ACOT12: variants seen among roughly 807,000 people sequenced by gnomAD.
The protein encoded by ACOT12 is acyl-CoA thioesterase 12, also known as acetyl-coenzyme A thioesterase.
Under a neutral mutation model 67.7 loss-of-function variants are expected in ACOT12, and 51 were observed. The ratio of observed to expected loss-of-function variants is 0.75; its 90% CI spans 0.60 to 0.95. The LOEUF is 0.95. Ranked by LOEUF, ACOT12 falls within the 40% of genes least tolerant of loss-of-function variation. The pLI is 0.00. For missense variants in ACOT12, 734 were observed against 708.1 expected (o/e 1.04, Z -0.41); for synonymous variants, 251 against 244.6 (o/e 1.03, Z -0.24).
At chr5:81,354,930 G>A (rs1759664336) in intron 5 of ACOT12, among the ~76,000 whole-genome samples, 1 of 152,024 alleles carries the variant, frequency 6.6e-6, no homozygotes, top group Non-Finnish European at 1.5e-5. Flanking sequence ...GATCTCAAGT[G>A]ATCCGCCTGC....
chr5:81,338,893 A>C (rs77321652), intron 11 of ACOT12, among the ~76,000 whole-genome samples: 4,338 of 152,196 alleles, frequency 0.029, 86 homozygotes, highest in African/African-American at 0.058. Flanking sequence ...ACCAACCTGG[A>C]AACATGGTGA....
At chr5:81,364,928 TA>T (rs1476363621) in intron 3 of ACOT12, among the ~76,000 whole-genome samples, 1 of 152,174 alleles carries the variant, frequency 6.6e-6, no homozygotes, top group Non-Finnish European at 1.5e-5. Flanking sequence ...CAGAGTTTCA[TA>T]ACCAAGCTAA....
At chr5:81,330,735 T>G (rs1758790459) in intron 14 of ACOT12, 79 bp downstream of exon 14, 1 of 1,565,772 alleles carries the variant, frequency 6.4e-7, no homozygotes, top group African/African-American at 1.4e-5. Flanking sequence ...TTACAATTAA[T>G]TAGGACATCT....
At chr5:81,389,647 C>T (rs1760813023) in intron 1 of ACOT12, among the ~76,000 whole-genome samples, 1 of 152,144 alleles carries the variant, frequency 6.6e-6, no homozygotes. Context: ...CCTGCTCAGC[C>T]TCCTGAGTAG....
At chr5:81,382,363 G>T (rs949215864) in intron 2 of ACOT12, among the ~76,000 whole-genome samples, 5 of 152,140 alleles carry the variant, frequency 3.3e-5, no homozygotes, top group African/African-American at 1.2e-4. Context: ...AAATGTAAAA[G>T]ATGAGACTGA....
chr5:81,332,057 C>A (rs1758844754), intron 13 of ACOT12, among the ~76,000 whole-genome samples: 1 of 152,198 alleles, frequency 6.6e-6, no homozygotes, highest in African/African-American at 2.4e-5. Context: ...GTTCAATGTA[C>A]ATGGAAAAAC....
At chr5:81,378,551 C>G (rs1483549304) in intron 2 of ACOT12, among the ~76,000 whole-genome samples, 1 of 152,122 alleles carries the variant, frequency 6.6e-6, no homozygotes, top group African/African-American at 2.4e-5. Flanking sequence ...GAACAGGCAA[C>G]CTACAGAATG....
intron 5 of ACOT12, among the ~76,000 whole-genome samples, chr5:81,351,890 G>T (rs1415626487): frequency 2.0e-5 from 3 of 152,022 alleles, no homozygotes; most frequent in African/African-American, 7.2e-5. Context: ...TATATAAGGA[G>T]CTTAAACAGC....
chr5:81,312,744 C>T, the ACOT12 span: 2 of 1,027,108 alleles, frequency 1.9e-6, no homozygotes, highest in Non-Finnish European at 3.0e-6. Context: ...GTTGAGCTCC[C>T]CTGTAGCCAG....
chr5:81,379,246 C>T (rs958858169), intron 2 of ACOT12, among the ~76,000 whole-genome samples: 5 of 150,006 alleles, frequency 3.3e-5, no homozygotes, highest in Non-Finnish European at 5.9e-5. Context: ...AACCAAACAC[C>T]GCATGTTCTC....
chr5:81,324,143 G>A, the ACOT12 span, among the ~76,000 whole-genome samples: 3 of 152,004 alleles, frequency 2.0e-5, no homozygotes, highest in African/African-American at 7.3e-5. Flanking sequence ...GTTTCACCAT[G>A]TTGGCCAGGA....
intron 1 of ACOT12, among the ~76,000 whole-genome samples, chr5:81,389,981 G>T (rs1369962081): frequency 2.7e-5 from 4 of 145,984 alleles, no homozygotes; most frequent in Non-Finnish European, 4.5e-5. Flanking sequence ...TTGAGACAGG[G>T]TCTTGCTCTG....
chr5:81,338,848 G>A (rs868552271), intron 11 of ACOT12, among the ~76,000 whole-genome samples: 3 of 152,124 alleles, frequency 2.0e-5, no homozygotes, highest in Non-Finnish European at 4.4e-5. Context: ...TTGGGAGGCC[G>A]AGGTGGGCAG....
At chr5:81,347,197 A>G (rs1316303359) in intron 6 of ACOT12, among the ~76,000 whole-genome samples, 1 of 152,200 alleles carries the variant, frequency 6.6e-6, no homozygotes, top group Non-Finnish European at 1.5e-5. Flanking sequence ...AGCTCACTGT[A>G]GCTTTGAATC....
chr5:81,354,870 A>C (rs1317903488), intron 5 of ACOT12, among the ~76,000 whole-genome samples: 2 of 151,884 alleles, frequency 1.3e-5, no homozygotes, highest in Non-Finnish European at 2.9e-5. Flanking sequence ...CGCCTGGCTA[A>C]TTTTTGTATT....
chr5:81,343,895 T>A lies in ACOT12; in HGVS notation c.981-14A>T, dbSNP rs1234815099. On this transcript the variant is annotated splice_polypyrimidine_tract_variant and intron_variant, in intron 9 of 14. Coordinates refer to ENST00000307624, the MANE Select transcript of ACOT12 (RefSeq NM_130767.3). The stretch of plus-strand genomic sequence containing the variant: ...ATAACATATTTTCTGGAAAAAAAAA[T>A]TAAAGTGTTAAATGACAGTTTTTTT... 3.1e-6 allele frequency: 5 copies of A among 1,604,684 alleles called. No homozygotes were observed. Among genetic ancestry groups the A allele is most frequent in the African/African-American group, 1.3e-5 (1 of 74,570 alleles).
At chr5:81,322,467 A>AC in the ACOT12 span, among the ~76,000 whole-genome samples, 60 of 16,056 alleles carry the variant, frequency 3.7e-3, no homozygotes, top group East Asian at 0.16. Context: ...CAAAAAATAA[A>AC]CAAAAAAAAA....
intron 3 of ACOT12, among the ~76,000 whole-genome samples, chr5:81,369,838 AG>A (rs1760192355): frequency 6.6e-6 from 1 of 152,238 alleles, no homozygotes; most frequent in African/African-American, 2.4e-5. Flanking sequence ...CCAAGCCCAG[AG>A]GCTCCTGTGT....
intron 3 of ACOT12, among the ~76,000 whole-genome samples, chr5:81,371,530 G>T (rs560277566): frequency 1.3e-5 from 2 of 152,116 alleles, no homozygotes; most frequent in Non-Finnish European, 2.9e-5. Flanking sequence ...TGGGATTATA[G>T]GTGTGAGCTA....
Sources: gnomAD v4.1 joint callset for allele counts (sites outside exome capture counted in the v4.1 genomes callset) on GRCh38, gnomAD v4.1.1 for gene constraint, MANE v1.5 for transcripts, NCBI Gene and HGNC (gene_info 2026-07-23, HGNC 2026-07-21) for gene names.